The following SEMA3A variants were observed in gnomAD, a reference collection of about 807,000 sequenced individuals.
SEMA3A encodes semaphorin-3A.
A neutral mutation model predicts 97.9 loss-of-function variants in SEMA3A; 29 were observed. The observed-to-expected ratio is 0.30, with a 90% CI of 0.22 to 0.40. SEMA3A has a LOEUF of 0.40. Among genes scored for constraint, SEMA3A ranks in the 10% least tolerant of loss-of-function variants. The pLI is 1.00. For missense variants in SEMA3A, 763 were observed against 951.3 expected (o/e 0.80, Z 2.60); for synonymous variants, 321 against 323.7 (o/e 0.99, Z 0.09).
chr7:84,360,586 T>G (rs918306674), intron 2 of SEMA3A, among the ~76,000 whole-genome samples: 3 of 152,078 alleles, frequency 2.0e-5, no homozygotes, highest in Non-Finnish European at 4.4e-5. Context: ...TTTAAGCAGA[T>G]TATAGTTTTA....
chr7:84,391,650 G>A (rs1803581563), intron 1 of SEMA3A, among the ~76,000 whole-genome samples: 1 of 152,026 alleles, frequency 6.6e-6, no homozygotes, highest in South Asian at 2.1e-4. Context: ...TGTTTGCAAT[G>A]ATTCACTTGA....
chr7:84,433,763 C>T (rs1449500241), intron 1 of SEMA3A, among the ~76,000 whole-genome samples: 1 of 152,082 alleles, frequency 6.6e-6, no homozygotes, highest in Non-Finnish European at 1.5e-5. Flanking sequence ...TTTTAATGAT[C>T]ACCATTCTAA....
intron 1 of SEMA3A, among the ~76,000 whole-genome samples, chr7:84,432,047 C>T (rs986088924): frequency 1.3e-5 from 2 of 151,962 alleles, no homozygotes; most frequent in East Asian, 3.9e-4. Context: ...GATTATTGAC[C>T]CCCAAAATAC....
chr7:84,163,282 T>G (rs1353168687), intron 1 of SEMA3A, among the ~76,000 whole-genome samples: 1 of 152,178 alleles, frequency 6.6e-6, no homozygotes, highest in African/African-American at 2.4e-5. Context: ...TTAAGCGATA[T>G]ATATGTGTGT....
intron 4 of SEMA3A, among the ~76,000 whole-genome samples, chr7:84,104,716 G>T (rs79016799): frequency 0.013 from 1,960 of 152,092 alleles, 40 homozygotes; most frequent in African/African-American, 0.045. Context: ...TTAATTTTGA[G>T]AAATAGTCTT....
At position 84,094,935 on chromosome 7, in the gene SEMA3A, T is replaced by C. The variant is rs138163786; in HGVS notation, c.453+15535A>G. On this transcript the variant is annotated intron_variant, in intron 4 of 16. Transcript: ENST00000265362. ...ACTGATAGAAGTCTACATTTACAGA[T>C]ATATATCCAAGCAGTCTAACATTAA... is the stretch of plus-strand genomic sequence containing the variant. Among the ~76,000 whole-genome samples, 946 of 151,978 alleles carry C rather than the reference T, an allele frequency of 6.2e-3. 7 individuals carry two copies. Among genetic ancestry groups the C allele is most frequent in the Middle Eastern group, 0.024 (7 of 294 alleles).
intron 3 of SEMA3A, among the ~76,000 whole-genome samples, chr7:84,201,511 C>T (rs1030441840): frequency 6.6e-6 from 1 of 152,018 alleles, no homozygotes; most frequent in African/African-American, 2.4e-5. Flanking sequence ...TTTCCCCGCC[C>T]CCCAATGTGT....
intron 4 of SEMA3A, among the ~76,000 whole-genome samples, chr7:84,060,831 T>C (rs761296129): frequency 4.6e-5 from 7 of 152,172 alleles, no homozygotes; most frequent in Non-Finnish European, 8.8e-5. Flanking sequence ...GGATGTGTCA[T>C]GGTAAGAGGA....
intron 2 of SEMA3A, among the ~76,000 whole-genome samples, chr7:84,309,054 G>T (rs1042758965): frequency 6.6e-6 from 1 of 152,042 alleles, no homozygotes; most frequent in Non-Finnish European, 1.5e-5. Flanking sequence ...CTAACCTCAG[G>T]TGATCCGCCT....
chr7:84,332,508 C>A (rs964287110), intron 2 of SEMA3A, among the ~76,000 whole-genome samples: 1 of 152,084 alleles, frequency 6.6e-6, no homozygotes, highest in Non-Finnish European at 1.5e-5. Flanking sequence ...TCTACACTTA[C>A]AGGATAAAAT....
intron 3 of SEMA3A, among the ~76,000 whole-genome samples, chr7:84,287,568 C>A (rs1800622027): frequency 1.3e-5 from 2 of 152,118 alleles, no homozygotes; most frequent in South Asian, 4.1e-4. Context: ...ATTTCCATAT[C>A]ACTTCATTCA....
intron 3 of SEMA3A, among the ~76,000 whole-genome samples, chr7:84,127,387 C>T (rs1194064825): frequency 6.6e-6 from 1 of 152,018 alleles, no homozygotes; most frequent in Non-Finnish European, 1.5e-5. Flanking sequence ...CAATTTTCCA[C>T]CCACTGACTC....
intron 4 of SEMA3A, among the ~76,000 whole-genome samples, chr7:84,095,068 T>C (rs934422846): frequency 2.0e-5 from 3 of 149,860 alleles, no homozygotes; most frequent in African/African-American, 7.3e-5. Flanking sequence ...ATACTGTATA[T>C]AGGTAATTTA....
intron 12 of SEMA3A, among the ~76,000 whole-genome samples, chr7:83,994,300 C>T (rs1790104806): frequency 8.9e-6 from 1 of 112,584 alleles, no homozygotes; most frequent in Non-Finnish European, 1.8e-5. Flanking sequence ...TCGTCTGAAG[C>T]CTTCTTCTCT....
chr7:84,420,359 A>G (rs1441771991), intron 1 of SEMA3A, among the ~76,000 whole-genome samples: 1 of 152,104 alleles, frequency 6.6e-6, no homozygotes, highest in Non-Finnish European at 1.5e-5. Context: ...CACAAAAAAT[A>G]TTTTAAAAAG....
At chr7:84,137,171 C>A (rs146183440) in intron 1 of SEMA3A, among the ~76,000 whole-genome samples, 1 of 151,916 alleles carries the variant, frequency 6.6e-6, no homozygotes, top group East Asian at 1.9e-4. Context: ...TAGTCCAAGG[C>A]GGGTGGATCA....
intron 4 of SEMA3A, among the ~76,000 whole-genome samples, chr7:84,096,768 G>T (rs1794786467): frequency 6.6e-6 from 1 of 151,800 alleles, no homozygotes; most frequent in Non-Finnish European, 1.5e-5. Context: ...TATAAAGCAG[G>T]TACACAAGTC....
intron 3 of SEMA3A, among the ~76,000 whole-genome samples, chr7:84,267,220 A>C (rs1800028542): frequency 6.6e-6 from 1 of 152,156 alleles, no homozygotes; most frequent in African/African-American, 2.4e-5. Context: ...AAAATTTAAA[A>C]AAGTCTAAAA....
chr7:84,447,777 G>A (rs909396484), intron 1 of SEMA3A, among the ~76,000 whole-genome samples: 1 of 152,150 alleles, frequency 6.6e-6, no homozygotes, highest in Non-Finnish European at 1.5e-5. Flanking sequence ...CTCCCCCAAC[G>A]CCTGCTTGCC....
Sources: allele counts gnomAD v4.1 joint callset (sites outside exome capture counted in the v4.1 genomes callset), GRCh38; gene constraint gnomAD v4.1.1; transcripts MANE v1.5; gene names NCBI Gene and HGNC (gene_info 2026-07-23, HGNC 2026-07-21).